The following SLC1A4 variants were observed in gnomAD, a reference collection of about 807,000 sequenced individuals.
SLC1A4 encodes solute carrier family 1 member 4, also known as neutral amino acid transporter A.
In SLC1A4, 19 loss-of-function variants were observed where a neutral mutation model predicts 37.7. The ratio of observed to expected loss-of-function variants is 0.50; its 90% confidence interval spans 0.35 to 0.74. The LOEUF (loss-of-function observed/expected upper bound fraction) is 0.74. SLC1A4 is among the 30% of genes least tolerant of loss of function. The pLI is 0.01. For missense variants in SLC1A4, 570 were observed against 712.9 expected, an observed-to-expected ratio of 0.80 and a Z score of 2.28; for synonymous variants, 299 against 309.8, an observed-to-expected ratio of 0.97 and a Z score of 0.37.
rs373644109 is a variant in SLC1A4, at chr2:64,997,272, T to G, written c.528-4176T>G. Among the ~76,000 whole-genome samples the G allele has an allele frequency of 3.0e-4, 46 of 152,338 alleles. 1 individual carries two copies. In the South Asian group the frequency reaches 8.9e-3, roughly 29 times the overall value. On this transcript the variant is annotated intron_variant, in intron 1 of 7. Transcript: ENST00000234256. Reference sequence around the variant, plus strand: ...CCCATTGAATGTACGTATTTTTTAGTTGGAAAATCTCTAACAGTTATTACC... The same window carrying G: ...CCCATTGAATGTACGTATTTTTTAGGTGGAAAATCTCTAACAGTTATTACC...
chr2:64,996,200 A>G (rs2103636899), intron 1 of SLC1A4, among the ~76,000 whole-genome samples: 1 of 152,152 alleles, frequency 6.6e-6, no homozygotes, highest in Non-Finnish European at 1.5e-5. Context: ...CCGCCCCCCA[A>G]CTCCCACATA....
At chr2:64,993,551 A>G (rs1172847211) in intron 1 of SLC1A4, among the ~76,000 whole-genome samples, 2 of 152,192 alleles carry the variant, frequency 1.3e-5, no homozygotes, top group African/African-American at 2.4e-5. Flanking sequence ...AGCAGCCCGG[A>G]GTTCTGTGCC....
At chr2:64,991,758 G>A (rs369135153) in intron 1 of SLC1A4, among the ~76,000 whole-genome samples, 2 of 151,998 alleles carry the variant, frequency 1.3e-5, no homozygotes, top group Non-Finnish European at 2.9e-5. Flanking sequence ...GTGCCACCAC[G>A]CCCGGCTAAT....
intron 7 of SLC1A4, among the ~76,000 whole-genome samples, chr2:65,019,516 T>C (rs1321356457): frequency 1.3e-5 from 2 of 152,128 alleles, no homozygotes; most frequent in African/African-American, 4.8e-5. Flanking sequence ...GAGCACGTGG[T>C]AAAACATTCA....
intron 3 of SLC1A4, among the ~76,000 whole-genome samples, chr2:65,007,823 C>A (rs960281065): frequency 6.6e-6 from 1 of 152,160 alleles, no homozygotes; most frequent in Non-Finnish European, 1.5e-5. Context: ...TTTGTCTTTT[C>A]TTTGTGGTAG....
rs145461981 is a variant in SLC1A4, at chr2:65,023,540, G to C, written c.*2394G>C. ...TCATTGGCCGACCATCCTGTGTCCT[G>C]GCCTGGCCCTGCAGTAAGAAGCGTG... On this transcript the variant is annotated 3_prime_UTR_variant, in exon 8 of 8. Coordinates refer to ENST00000234256, the MANE Select transcript of SLC1A4 (RefSeq NM_003038.5). The C allele has an allele frequency of 1.3e-5, 2 of 152,532 alleles. No individual in the cohort carries two copies. The highest frequency in any genetic ancestry group is 3.9e-4 in the East Asian group (2 of 5,190). The allele number at this position is 152,532 out of a possible 1,614,324, so 9.4% of individuals were successfully genotyped here.
intron 1 of SLC1A4, among the ~76,000 whole-genome samples, chr2:64,996,756 G>T (rs1037534943): frequency 2.6e-5 from 4 of 152,196 alleles, no homozygotes; most frequent in African/African-American, 4.8e-5. Flanking sequence ...GATGCTCAGT[G>T]ACTGGGCATT....
At chr2:65,019,259 A>G (rs972099411) in intron 7 of SLC1A4, among the ~76,000 whole-genome samples, 3 of 152,206 alleles carry the variant, frequency 2.0e-5, no homozygotes, top group African/African-American at 4.8e-5. Context: ...GGCATGAATA[A>G]TATCTATTTT....
At chr2:65,019,002 T>C (rs563914254) in intron 7 of SLC1A4, among the ~76,000 whole-genome samples, 158 of 152,276 alleles carry the variant, frequency 1.0e-3, no homozygotes, top group Non-Finnish European at 1.7e-3. Flanking sequence ...GCTGACTGCA[T>C]AGGAGTAATA....
chr2:65,009,670 A>G (rs1051622122), intron 3 of SLC1A4, among the ~76,000 whole-genome samples: 6 of 152,254 alleles, frequency 3.9e-5, no homozygotes, highest in Non-Finnish European at 5.9e-5. Flanking sequence ...ATTATTTCAT[A>G]ATATGTGTTG....
chr2:64,988,820 C>G (rs868603156), upstream of SLC1A4, among the ~76,000 whole-genome samples: 6 of 152,302 alleles, frequency 3.9e-5, no homozygotes, highest in African/African-American at 1.4e-4. Context: ...GGCCCCCTCA[C>G]CGCGCCCGGC....
chr2:65,014,210 A>G (rs1159708396), intron 4 of SLC1A4, among the ~76,000 whole-genome samples: 4 of 152,244 alleles, frequency 2.6e-5, no homozygotes, highest in Admixed American at 1.3e-4. Context: ...AAGTCAAGAC[A>G]TTCATTTCTA....
At chr2:64,999,138 T>C (rs747392203) in intron 1 of SLC1A4, among the ~76,000 whole-genome samples, 14 of 152,254 alleles carry the variant, frequency 9.2e-5, no homozygotes, top group Admixed American at 2.0e-4. Flanking sequence ...TTGTTATTCA[T>C]CTATACTCCG....
intron 1 of SLC1A4, among the ~76,000 whole-genome samples, chr2:64,995,275 CTG>C (rs1307698885): frequency 6.6e-6 from 1 of 152,202 alleles, no homozygotes; most frequent in Non-Finnish European, 1.5e-5. Flanking sequence ...TTTGTCCTCT[CTG>C]TGCCTGAGTG....
In SLC1A4 at chr2:65,017,958, A is replaced by C. The variant is rs564368670; in HGVS notation, c.1035-113A>C. On this transcript the variant is annotated intron_variant, in intron 5 of 7. Transcript: ENST00000234256. ...TTTTTTCCCTTATTTCAAGAGAAGAAAGCCAGAAACGAAGATGGTGCTAAT... is the reference window on the plus strand; with the variant it reads ...TTTTTTCCCTTATTTCAAGAGAAGACAGCCAGAAACGAAGATGGTGCTAAT... 21 of 854,626 alleles carry C rather than the reference A, an allele frequency of 2.5e-5. No individual in the cohort carries two copies. The Admixed American group carries it at 3.1e-4, about 12-fold the overall frequency. The allele number at this position is 854,626 out of a possible 1,614,324, so 52.9% of individuals were successfully genotyped here. A position where few individuals can be genotyped will look rare whatever the true frequency, so the allele number is the denominator to read the frequency against.
intron 1 of SLC1A4, chr2:65,000,977 T>C (rs919383808): frequency 3.3e-5 from 5 of 152,856 alleles, no homozygotes; most frequent in African/African-American, 1.2e-4. Context: ...ACTGCAATGG[T>C]GCCTAACCTC....
intron 7 of SLC1A4, among the ~76,000 whole-genome samples, chr2:65,020,121 T>C (rs1013942988): frequency 1.3e-5 from 2 of 152,218 alleles, no homozygotes; most frequent in African/African-American, 2.4e-5. Flanking sequence ...TATTTGCCGA[T>C]GGCAATGGAA....
intron 1 of SLC1A4, chr2:64,999,977 C>G (rs1409502138): frequency 1.3e-5 from 2 of 152,154 alleles, no homozygotes; most frequent in Non-Finnish European, 2.9e-5. Flanking sequence ...CCATCTTAGA[C>G]TCTGCCTGCC....
In SLC1A4 at chr2:64,989,955, G is replaced by T. The variant is rs7559202; in HGVS notation, c.312G>T (p.Ser104=). The T allele has an allele frequency of 6.4e-7, 1 of 1,574,574 alleles. No individual in the cohort carries two copies. Among genetic ancestry groups the T allele is most frequent in the Non-Finnish European group, 8.6e-7 (1 of 1,160,456 alleles). ...VVCSLVSGAA[S]LDASCLGRLG... ...GCAGCCTGGTGTCGGGCGCCGCCTC[G>T]CTCGATGCCAGCTGCCTCGGGCGTC... is the stretch of plus-strand genomic sequence containing the variant. Residue 104 remains serine, a synonymous_variant, in exon 1 of 8, where the codon TCG becomes TCT. Transcript: ENST00000234256.
Sources: gnomAD v4.1 joint callset for allele counts (sites outside exome capture counted in the v4.1 genomes callset) on GRCh38, gnomAD v4.1.1 for gene constraint, MANE v1.5 for transcripts, NCBI Gene and HGNC (gene_info 2026-07-23, HGNC 2026-07-21) for gene names.